STK32B: variants seen among roughly 807,000 people sequenced by gnomAD.
The protein encoded by STK32B is serine/threonine kinase 32B.
A neutral mutation model predicts 52.6 loss-of-function variants in STK32B; 43 were observed. That is an observed-to-expected ratio of 0.82 (90% CI 0.64 to 1.05). The LOEUF (loss-of-function observed/expected upper bound fraction) is 1.05. Among genes scored for constraint, STK32B ranks in the 50% least tolerant of loss-of-function variants. The probability of loss-of-function intolerance (pLI) is 0.00; values close to 1 mark genes in which losing one functional copy is unlikely to be tolerated. For synonymous variants in STK32B, 238 were observed against 204.3 expected, an observed-to-expected ratio of 1.17 and a Z score of -1.41; for missense variants, 621 against 534.6, an observed-to-expected ratio of 1.16 and a Z score of -1.59.
rs541757331 is a variant in STK32B, at chr4:5,495,500, A to G, written c.1107-3445A>G. On this transcript the variant is annotated intron_variant, in intron 11 of 11. Coordinates refer to ENST00000282908, the MANE Select transcript of STK32B (RefSeq NM_018401.3). ...GTCTGAATTTTTTTCAAAGTTTTCA[A>G]CTTCTTTGCCTTCAGTTTGAATTTC... Among the ~76,000 whole-genome samples, 179 of 152,126 alleles carry G rather than the reference A, an allele frequency of 1.2e-3. 1 individual carries two copies. Among genetic ancestry groups the G allele is most frequent in the African/African-American group, 4.1e-3 (171 of 41,490 alleles).
chr4:5,382,594 T>C (rs1315007421), intron 4 of STK32B, among the ~76,000 whole-genome samples: 2 of 151,958 alleles, frequency 1.3e-5, no homozygotes, highest in South Asian at 2.1e-4. Context: ...AGAGCAAAAT[T>C]CCCAAGAGTT....
intron 3 of STK32B, among the ~76,000 whole-genome samples, chr4:5,315,015 T>C (rs1577330651): frequency 6.6e-6 from 1 of 152,090 alleles, no homozygotes; most frequent in Non-Finnish European, 1.5e-5. Context: ...GGCAGAAGAC[T>C]CTGTGAAGAG....
At chr4:5,377,905 C>A (rs113025619) in intron 4 of STK32B, among the ~76,000 whole-genome samples, 1,547 of 152,228 alleles carry the variant, frequency 0.01, 22 homozygotes, top group African/African-American at 0.034. Flanking sequence ...GTCTTCATAG[C>A]AGTGTGAAAA....
At chr4:5,193,630 C>G (rs141402932) in intron 3 of STK32B, among the ~76,000 whole-genome samples, 233 of 152,370 alleles carry the variant, frequency 1.5e-3, no homozygotes, top group African/African-American at 5.5e-3. Flanking sequence ...GTCCTGGCCC[C>G]TGCTCTTGCA....
intron 1 of STK32B, among the ~76,000 whole-genome samples, chr4:5,099,376 T>C (rs913892801): frequency 6.6e-6 from 1 of 152,128 alleles, no homozygotes; most frequent in African/African-American, 2.4e-5. Flanking sequence ...GAGATTCTGC[T>C]AAACTGACAA....
intron 2 of STK32B, among the ~76,000 whole-genome samples, chr4:5,153,152 T>A (rs1054378190): frequency 2.6e-5 from 4 of 152,186 alleles, no homozygotes; most frequent in Admixed American, 6.5e-5. Flanking sequence ...GCACATCTGC[T>A]GGAAACAAGT....
chr4:5,210,796 AC>A (rs1408843362), intron 3 of STK32B, among the ~76,000 whole-genome samples: 1 of 147,616 alleles, frequency 6.8e-6, no homozygotes, highest in Non-Finnish European at 1.5e-5. Flanking sequence ...TTTTAGAAAT[AC>A]TTTTTTTTTT....
intron 4 of STK32B, among the ~76,000 whole-genome samples, chr4:5,381,166 A>G (rs1003262102): frequency 2.0e-5 from 3 of 152,208 alleles, no homozygotes; most frequent in African/African-American, 7.2e-5. Context: ...TGATAGAATG[A>G]ATGGAAATAG....
intron 3 of STK32B, among the ~76,000 whole-genome samples, chr4:5,316,537 A>T (rs1322664380): frequency 1.1e-3 from 1 of 892 alleles, no homozygotes; most frequent in Non-Finnish European, 1.4e-3. Context: ...ATAATATATA[A>T]TATATATTAC....
Position 5,171,389 on chromosome 4 carries a change from A to G in STK32B, c.260+2939A>G, listed in dbSNP as rs558332171. Reference sequence around the variant, plus strand: ...AGACATGAAGTCCTTGCCCATGCCTATGTCCTGAATGGTATTGCCTAGGTT... The same window carrying G: ...AGACATGAAGTCCTTGCCCATGCCTGTGTCCTGAATGGTATTGCCTAGGTT... On this transcript the variant is annotated intron_variant, in intron 3 of 11. Transcript: ENST00000282908. Among the ~76,000 whole-genome samples the G allele has an allele frequency of 2.2e-3, 332 of 151,878 alleles. 3 individuals carry two copies. The highest frequency in any genetic ancestry group is 7.6e-3 in the African/African-American group (317 of 41,496).
At chr4:5,171,567 C>G (rs941761387) in intron 3 of STK32B, among the ~76,000 whole-genome samples, 1 of 152,130 alleles carries the variant, frequency 6.6e-6, no homozygotes, top group African/African-American at 2.4e-5. Flanking sequence ...AGTAGGGAAT[C>G]CTTTCCCCAT....
chr4:5,268,684 G>T (rs1489638333), intron 3 of STK32B, among the ~76,000 whole-genome samples: 5 of 151,736 alleles, frequency 3.3e-5, no homozygotes, highest in Admixed American at 6.6e-5. Flanking sequence ...GGGACCTTCT[G>T]TCCTGTTCAC....
chr4:5,137,089 A>T (rs941582876), intron 1 of STK32B, among the ~76,000 whole-genome samples: 2 of 152,094 alleles, frequency 1.3e-5, no homozygotes, highest in African/African-American at 2.4e-5. Flanking sequence ...AGTAATTAAC[A>T]CCTCCCTCCA....
At chr4:5,343,458 A>G (rs918190559) in intron 4 of STK32B, among the ~76,000 whole-genome samples, 1 of 152,174 alleles carries the variant, frequency 6.6e-6, no homozygotes, top group Non-Finnish European at 1.5e-5. Flanking sequence ...TCCTTTGGCT[A>G]TATACCCAGT....
chr4:5,212,504 A>G (rs964219988), intron 3 of STK32B, among the ~76,000 whole-genome samples: 2 of 152,218 alleles, frequency 1.3e-5, no homozygotes, highest in African/African-American at 4.8e-5. Flanking sequence ...GATAAACCGC[A>G]GTCCCCACAA....
At chr4:5,357,455 G>T (rs1412703686) in intron 4 of STK32B, among the ~76,000 whole-genome samples, 1 of 152,066 alleles carries the variant, frequency 6.6e-6, no homozygotes, top group Non-Finnish European at 1.5e-5. Flanking sequence ...GAACACCAAG[G>T]AGCAAGGATA....
At position 5,396,705 on chromosome 4, in the gene STK32B, G is replaced by T. The variant is rs1736942330; in HGVS notation, c.435-1502G>T. 6.6e-6 allele frequency among the ~76,000 whole-genome samples: 1 copy of T among 152,208 alleles called. No individual in the cohort carries two copies. The highest frequency in any genetic ancestry group is 2.4e-5 in the African/African-American group (1 of 41,450). On this transcript the variant is annotated intron_variant, in intron 4 of 11. Transcript: ENST00000282908. The surrounding 1 kb of genome is among the most constrained non-coding windows in gnomAD (Gnocchi z 4.7). The stretch of plus-strand genomic sequence containing the variant: ...TCTCAGTCCCGGTGATACCTTAAGA[G>T]ATAAGCTTGAACATTTGCTGCTGTG...
intron 3 of STK32B, among the ~76,000 whole-genome samples, chr4:5,278,192 G>C (rs1727959900): frequency 6.6e-6 from 1 of 152,188 alleles, no homozygotes; most frequent in Admixed American, 6.5e-5. Context: ...CAGTAAAATT[G>C]CTGAGGAATG....
chr4:5,341,781 G>T (rs1232031964), intron 4 of STK32B, among the ~76,000 whole-genome samples: 1 of 152,160 alleles, frequency 6.6e-6, no homozygotes. Flanking sequence ...CATGGTGGAA[G>T]GTAAAGGGGG....
Sources: gnomAD v4.1 joint callset for allele counts (sites outside exome capture counted in the v4.1 genomes callset) on GRCh38, gnomAD v4.1.1 for gene constraint, Gnocchi (gnomAD v3.1) non-coding constraint, MANE v1.5 for transcripts, NCBI Gene and HGNC (gene_info 2026-07-23, HGNC 2026-07-21) for gene names.